Variants in PSCA observed in about 807,000 individuals in gnomAD.
The protein encoded by PSCA is prostate stem cell antigen.
In PSCA, 7 loss-of-function variants were observed where a neutral mutation model predicts 7.9. The observed-to-expected ratio is 0.89, with a 90% CI of 0.51 to 1.67. The LOEUF (loss-of-function observed/expected upper bound fraction) is 1.67. Among genes scored for constraint, PSCA ranks in the 40% most tolerant of loss-of-function variants. PSCA has a pLI of 0.00. For missense variants in PSCA, 151 were observed against 147.9 expected, an observed-to-expected ratio of 1.02 and a Z score of -0.11; for synonymous variants, 61 against 68.3, an observed-to-expected ratio of 0.89 and a Z score of 0.53.
chr8:142,680,360 C>T (rs1246889398), upstream of PSCA: 2 of 648,746 alleles, frequency 3.1e-6, no homozygotes, highest in East Asian at 2.8e-5. Context: ...AGGTGCAGGT[C>T]GCTCAGGGAG....
In PSCA at chr8:142,682,278, G is replaced by C. The variant is rs781967139; in HGVS notation, c.*146G>C. On this transcript the variant is annotated 3_prime_UTR_variant, in exon 3 of 3. Transcript: ENST00000301258. ...TCTGACCATGTATGTCTGCGCCCCT[G>C]TCCCCCACCCTGACCCTCCCATGGC... 1.0e-6 allele frequency: 1 copy of C among 1,001,616 alleles called. No homozygotes were observed. Among genetic ancestry groups the C allele is most frequent in the Non-Finnish European group, 1.5e-6 (1 of 659,106 alleles). 62.0% of individuals were successfully genotyped at this position (1,001,616 alleles called of 1,614,324 possible). A position where few individuals can be genotyped will look rare whatever the true frequency, so the allele number is the denominator to read the frequency against.
intron 1 of PSCA, among the ~76,000 whole-genome samples, chr8:142,671,237 G>A (rs1465153802): frequency 6.6e-6 from 1 of 152,224 alleles, no homozygotes; most frequent in African/African-American, 2.4e-5. Flanking sequence ...TGGGATGAAA[G>A]AGGAGAGAAA....
Position 142,681,341 on chromosome 8 carries a change from T to C in PSCA, c.40T>C (p.Cys14Arg), listed in dbSNP as rs1554638286. 6 of 1,566,332 alleles carry C rather than the reference T, an allele frequency of 3.8e-6. No individual in the cohort carries two copies. Among genetic ancestry groups the C allele is most frequent in the Middle Eastern group, 3.3e-4 (2 of 6,020 alleles). ...LALQPGTALLCYSCKAQVSNE... is the reference protein window; with the variant it reads ...LALQPGTALLRYSCKAQVSNE... ...CCACCCCACAGGCACTGCCCTGCTG[T>C]GCTACTCCTGCAAAGCCCAGGTGAG... Residue 14 changes from cysteine to arginine, a missense_variant, in exon 2 of 3, where the codon TGC (cysteine) becomes CGC (arginine). Cys to Arg is a radical substitution (Grantham distance 180). Transcript: ENST00000301258.
Position 142,682,443 on chromosome 8 carries a change from C to G in PSCA, c.*311C>G, listed in dbSNP as rs1554638568. 6.3e-6 allele frequency: 4 copies of G among 639,956 alleles called. No individual in the cohort carries two copies. Among genetic ancestry groups the G allele is most frequent in the South Asian group, 4.5e-5 (3 of 66,182 alleles). 39.6% of individuals were successfully genotyped at this position (639,956 alleles called of 1,614,324 possible). A position where few individuals can be genotyped will look rare whatever the true frequency, so the allele number is the denominator to read the frequency against. On this transcript the variant is annotated 3_prime_UTR_variant, in exon 3 of 3. Transcript: ENST00000301258. ...CCCTGTGCTCAGGCACCTCTTCCCC[C>G]AGGAAGCCTTCCCTGCCCACCCCAT...
In PSCA at chr8:142,682,129, C is replaced by A. The variant is rs1045531; in HGVS notation, c.342C>A (p.Leu114=). The A allele has an allele frequency of 0.45, 718,520 of 1,597,802 alleles. 163,485 individuals are homozygous for A. The highest frequency in any genetic ancestry group is 0.55 in the Admixed American group (32,588 of 59,644). ...TGCTGCTCTGGGGACCCGGCCAGCT[C>A]TAGGCTCTGGGGGGCCCCGCTGCAG... ...LGLLLWGPGQ[L] is the part of the protein sequence containing the mutation. Residue 114 remains leucine, a synonymous_variant, in exon 3 of 3, where the codon CTC becomes CTA. Coordinates refer to ENST00000301258, the MANE Select transcript of PSCA (RefSeq NM_005672.5).
At chr8:142,680,722 C>A (rs1847452813) in intron 1 of PSCA, 159 bp downstream of exon 1, 1 of 974,150 alleles carries the variant, frequency 1.0e-6, no homozygotes, top group Non-Finnish European at 1.5e-6. Context: ...CAGGGAAGCT[C>A]TTGGCACGAC....
intron 1 of PSCA, among the ~76,000 whole-genome samples, chr8:142,672,691 G>A (rs1158358353): frequency 6.6e-6 from 1 of 152,214 alleles, no homozygotes; most frequent in Non-Finnish European, 1.5e-5. Context: ...ATGTAGATGG[G>A]TTAAGGAGCA....
Sources: gnomAD v4.1 joint callset for allele counts (sites outside exome capture counted in the v4.1 genomes callset) on GRCh38, gnomAD v4.1.1 for gene constraint, MANE v1.5 for transcripts, NCBI Gene and HGNC (gene_info 2026-07-23, HGNC 2026-07-21) for gene names.